VAT1L: variants seen among roughly 807,000 people sequenced by gnomAD.
The protein encoded by VAT1L is putative NADPH-dependent quinone oxidoreductase VAT1L.
A neutral mutation model predicts 44.1 loss-of-function variants in VAT1L; 34 were observed. The ratio of observed to expected loss-of-function variants is 0.77; its 90% CI spans 0.59 to 1.03. VAT1L has a LOEUF of 1.03. VAT1L is among the 50% of genes least tolerant of loss of function. The pLI is 0.00. For missense variants in VAT1L, 615 were observed against 538.8 expected (o/e 1.14, Z -1.40); for synonymous variants, 253 against 202.2 (o/e 1.25, Z -2.13).
chr16:77,876,300 G>T, intron 4 of VAT1L, 70 bp from the exon 5 acceptor site: 1 of 1,355,462 alleles, frequency 7.4e-7, no homozygotes, highest in Non-Finnish European at 1.1e-6. Context: ...TATGACACAG[G>T]AAAGGAAAGG....
At chr16:77,955,713 T>A in intron 7 of VAT1L, among the ~76,000 whole-genome samples, 1 of 129,698 alleles carries the variant, frequency 7.7e-6, no homozygotes, top group Non-Finnish European at 1.6e-5. Context: ...TGACAGAGGC[T>A]CCATATCCCC....
chr16:77,922,577 T>G (rs1054560093), intron 7 of VAT1L, among the ~76,000 whole-genome samples: 3 of 152,180 alleles, frequency 2.0e-5, no homozygotes, highest in African/African-American at 7.2e-5. Flanking sequence ...CTGTGACATG[T>G]GCCAGCAAGG....
At chr16:77,816,087 G>A (rs910213969) in intron 1 of VAT1L, among the ~76,000 whole-genome samples, 1 of 150,424 alleles carries the variant, frequency 6.6e-6, no homozygotes, top group African/African-American at 2.5e-5. Flanking sequence ...ATTCCCAAGA[G>A]CAGTTCTGAT....
chr16:77,812,884 G>A (rs1191848933), intron 1 of VAT1L, among the ~76,000 whole-genome samples: 1 of 152,176 alleles, frequency 6.6e-6, no homozygotes, highest in Non-Finnish European at 1.5e-5. Context: ...AACTGAGACA[G>A]TCTTATATTA....
At chr16:77,832,827 T>A (rs543901562) in intron 3 of VAT1L, among the ~76,000 whole-genome samples, 2 of 152,316 alleles carry the variant, frequency 1.3e-5, no homozygotes, top group South Asian at 4.1e-4. Context: ...CTTGTGGTCC[T>A]CCCTGAACCA....
chr16:77,938,861 T>C (rs3886157), intron 7 of VAT1L, among the ~76,000 whole-genome samples: 1 of 152,104 alleles, frequency 6.6e-6, no homozygotes, highest in Non-Finnish European at 1.5e-5. Flanking sequence ...AATCATTTTT[T>C]ACTTTATATT....
At chr16:77,849,995 G>C (rs2016792841) in intron 3 of VAT1L, among the ~76,000 whole-genome samples, 1 of 152,218 alleles carries the variant, frequency 6.6e-6, no homozygotes. Context: ...CTGAAACCAA[G>C]GTCAGGCTCC....
chr16:77,916,023 T>C (rs9927248), intron 7 of VAT1L, among the ~76,000 whole-genome samples: 14,487 of 152,192 alleles, frequency 0.095, 754 homozygotes, highest in South Asian at 0.18. Flanking sequence ...CAAAAGTCAT[T>C]CATTGAGAGC....
intron 3 of VAT1L, among the ~76,000 whole-genome samples, chr16:77,837,248 A>T (rs963569156): frequency 6.6e-6 from 1 of 152,172 alleles, no homozygotes; most frequent in Non-Finnish European, 1.5e-5. Context: ...AGAGGGGAGG[A>T]TCTTTAGTTG....
chr16:77,881,640 C>T (rs1266859426), intron 6 of VAT1L, among the ~76,000 whole-genome samples: 1 of 152,186 alleles, frequency 6.6e-6, no homozygotes, highest in Non-Finnish European at 1.5e-5. Context: ...GATAATACTC[C>T]CTGCATTTGT....
chr16:77,950,402 C>G (rs1018832285), intron 7 of VAT1L, among the ~76,000 whole-genome samples: 2 of 74,566 alleles, frequency 2.7e-5, no homozygotes, highest in South Asian at 7.4e-4. Context: ...GAGCAAGATT[C>G]CATCTAAACA....
At chr16:77,967,273 GTGCTTAACTCAGCTAATCATTGTGA>G (rs1352809551) in intron 7 of VAT1L, among the ~76,000 whole-genome samples, 1 of 152,166 alleles carries the variant, frequency 6.6e-6, no homozygotes, top group Non-Finnish European at 1.5e-5. Flanking sequence ...TGAAACTGTG[GTGCTTAACTCAGCTAATCATTGTGA>G]TGCTTAACTC....
intron 1 of VAT1L, among the ~76,000 whole-genome samples, chr16:77,813,270 A>G (rs1379407233): frequency 1.3e-5 from 2 of 152,160 alleles, no homozygotes; most frequent in African/African-American, 2.4e-5. Flanking sequence ...ATAACTTATT[A>G]TCTCTAAACC....
intron 7 of VAT1L, among the ~76,000 whole-genome samples, chr16:77,894,911 G>C (rs2017306091): frequency 6.6e-6 from 1 of 152,056 alleles, no homozygotes; most frequent in African/African-American, 2.4e-5. Context: ...TATCCTAGCT[G>C]TGTGGCCTCA....
chr16:77,816,765 T>C (rs2016362321), intron 1 of VAT1L, among the ~76,000 whole-genome samples, 156 bp from the exon 2 acceptor site: 2 of 151,888 alleles, frequency 1.3e-5, no homozygotes, highest in African/African-American at 4.8e-5. Context: ...GCATTACTAT[T>C]AGGGATACTT....
chr16:77,963,481 T>TA (rs778089979), intron 7 of VAT1L, among the ~76,000 whole-genome samples: 1 of 152,108 alleles, frequency 6.6e-6, no homozygotes, highest in Non-Finnish European at 1.5e-5. Context: ...GCCTTGATGT[T>TA]AACCCTGTAA....
chr16:77,858,314 G>A (rs543558837), intron 3 of VAT1L, among the ~76,000 whole-genome samples: 5 of 152,162 alleles, frequency 3.3e-5, no homozygotes, highest in Non-Finnish European at 7.4e-5. Flanking sequence ...GGAAGGGAGG[G>A]CATAATGAGA....
At chr16:77,899,290 A>G (rs1457219692) in intron 7 of VAT1L, among the ~76,000 whole-genome samples, 4 of 152,078 alleles carry the variant, frequency 2.6e-5, no homozygotes, top group Admixed American at 2.0e-4. Flanking sequence ...CAAGGCCTCA[A>G]CCCCCTCCAG....
At chr16:77,937,720 C>G (rs760584107) in intron 7 of VAT1L, among the ~76,000 whole-genome samples, 32 of 152,232 alleles carry the variant, frequency 2.1e-4, no homozygotes, top group Non-Finnish European at 3.1e-4. Flanking sequence ...GGGGGCCCTT[C>G]CCACCTGACT....
Sources: allele counts gnomAD v4.1 joint callset (sites outside exome capture counted in the v4.1 genomes callset), GRCh38; gene constraint gnomAD v4.1.1; transcripts MANE v1.5; gene names NCBI Gene and HGNC (gene_info 2026-07-23, HGNC 2026-07-21).